GEMIN5: variants seen among roughly 807,000 people sequenced by gnomAD.
GEMIN5 encodes the protein gem-associated protein 5.
Under a neutral mutation model 176.9 loss-of-function variants are expected in GEMIN5, and 124 were observed. That is an observed-to-expected ratio of 0.70 (90% CI 0.61 to 0.81). The LOEUF (loss-of-function observed/expected upper bound fraction) is 0.81. Ranked by LOEUF, GEMIN5 falls within the 40% of genes least tolerant of loss-of-function variation. GEMIN5 has a pLI of 0.00. For synonymous variants in GEMIN5, 673 were observed against 665.2 expected (o/e 1.01, Z -0.18); for missense variants, 1,843 against 1,814.6 (o/e 1.02, Z -0.28).
chr5:154,913,374 C>G (rs1158070810), intron 13 of GEMIN5, among the ~76,000 whole-genome samples: 2 of 152,152 alleles, frequency 1.3e-5, no homozygotes, highest in East Asian at 3.9e-4. Context: ...TAGATTACCA[C>G]AAGAAGTGTT....
At chr5:154,913,170 G>C in intron 13 of GEMIN5, 132 bp from the exon 14 acceptor site, 1 of 713,482 alleles carries the variant, frequency 1.4e-6, no homozygotes, top group Non-Finnish European at 2.2e-6. Flanking sequence ...TTTTTTTTTT[G>C]AGATGGAGTT....
Position 154,924,540 on chromosome 5 carries a change from T to C in GEMIN5, c.1308A>G (p.Pro436=), listed in dbSNP as rs775881622. The part of the protein sequence containing the change: ...KSKVTALCWH[P]TKEGCLAFGT... ...CAAAAGCTAAGCAACCTTCCTTGGT[T>C]GGGTGCCAGCACAGCTACAAAAAAA... Residue 436 remains proline (P), a synonymous_variant, in exon 9 of 28, where the codon CCA becomes CCG. Coordinates refer to ENST00000285873, the MANE Select transcript of GEMIN5 (RefSeq NM_015465.5). 7 of 1,611,380 alleles carry C rather than the reference T, an allele frequency of 4.3e-6. No homozygotes were observed. In the South Asian group the frequency reaches 7.7e-5, roughly 18 times the overall value.
chr5:154,911,962 T>A, intron 14 of GEMIN5, 64 bp from the exon 15 acceptor site: 2 of 1,444,872 alleles, frequency 1.4e-6, no homozygotes, highest in Non-Finnish European at 1.9e-6. Flanking sequence ...GGGCAGTATG[T>A]TTTCTAATTA....
chr5:154,893,747 C>T (rs1252598056), intron 24 of GEMIN5, among the ~76,000 whole-genome samples: 1 of 152,120 alleles, frequency 6.6e-6, no homozygotes, highest in South Asian at 2.1e-4. Context: ...TCTTCTTCTT[C>T]TTCTTTGTTT....
intron 24 of GEMIN5, among the ~76,000 whole-genome samples, chr5:154,895,586 C>T (rs79406353): frequency 6.6e-6 from 1 of 152,092 alleles, no homozygotes; most frequent in Non-Finnish European, 1.5e-5. Context: ...TTTATAAAGT[C>T]CTCAAATCAA....
intron 3 of GEMIN5, among the ~76,000 whole-genome samples, 161 bp from the exon 4 acceptor site, chr5:154,932,411 T>C (rs1764187754): frequency 6.6e-6 from 1 of 152,176 alleles, no homozygotes; most frequent in African/African-American, 2.4e-5. Context: ...TGCTTTTTCC[T>C]TTTTTTAAAG....
At chr5:154,903,027 A>G (rs1763496989) in intron 19 of GEMIN5, 53 bp downstream of exon 19, 2 of 1,171,680 alleles carry the variant, frequency 1.7e-6, no homozygotes, top group Non-Finnish European at 2.5e-6. Context: ...TGCACACAAA[A>G]TGTTGGGAAA....
chr5:154,920,110 G>T lies in GEMIN5; in HGVS notation c.1463-7C>A. The T allele has an allele frequency of 6.2e-7, 1 of 1,603,942 alleles. No individual in the cohort carries two copies. Among genetic ancestry groups the T allele is most frequent in the South Asian group, 1.1e-5 (1 of 89,130 alleles). Reference sequence around the variant, plus strand: ...GGTCTGTCTCCTTCTCCTCCTGTATGAAATAAGAAAAGAAACTTATCAGTT... The same window carrying T: ...GGTCTGTCTCCTTCTCCTCCTGTATTAAATAAGAAAAGAAACTTATCAGTT... On this transcript the variant is annotated splice_region_variant and splice_polypyrimidine_tract_variant and intron_variant, in intron 10 of 27. Transcript: ENST00000285873.
intron 15 of GEMIN5, 63 bp from the exon 16 acceptor site, chr5:154,907,881 G>T: frequency 9.1e-7 from 1 of 1,099,810 alleles, no homozygotes; most frequent in South Asian, 1.3e-5. Flanking sequence ...CACTCTAGGT[G>T]GTAAACTCCA....
intron 9 of GEMIN5, among the ~76,000 whole-genome samples, chr5:154,924,051 ATTAT>A (rs1451445012): frequency 7.2e-5 from 11 of 152,242 alleles, no homozygotes; most frequent in African/African-American, 2.7e-4. Context: ...CACTGAAAGT[ATTAT>A]TTAAAATGTA....
Position 154,898,637 on chromosome 5 carries a change from T to C in GEMIN5, c.3148A>G (p.Thr1050Ala). 6.2e-7 allele frequency: 1 copy of C among 1,612,066 alleles called. No individual in the cohort carries two copies. Among genetic ancestry groups the C allele is most frequent in the Non-Finnish European group, 8.5e-7 (1 of 1,178,138 alleles). The part of the protein sequence containing the change: ...AVAAKCYLGA[T>A]CAYDAAKVLA... ...ACTTTGGCTGCATCATAAGCACAAG[T>C]GGCCCCTAAATAGCTATAATATGAA... is the stretch of plus-strand genomic sequence containing the variant. Residue 1050 changes from threonine (T) to alanine (A), a missense_variant, in exon 23 of 28, where the codon ACT (threonine) becomes GCT (alanine). Coordinates refer to ENST00000285873, the MANE Select transcript of GEMIN5 (RefSeq NM_015465.5).
rs1763416220 is a variant in GEMIN5 at position 154,899,222 on chromosome 5, T to C, written c.3103A>G (p.Arg1035Gly). Residue 1035 changes from arginine to glycine, a missense_variant, in exon 22 of 28, where the codon AGA (arginine) becomes GGA (glycine). Coordinates refer to ENST00000285873, the MANE Select transcript of GEMIN5 (RefSeq NM_015465.5). ...GCAGCTACAGCATAGTGGCCATCTC[T>C]TTCTAGGACGGTTCCCCAGCTGAGG... ...LYLSWGTVLE[R>G]DGHYAVAAKC... 18 of 1,612,754 alleles carry C rather than the reference T, an allele frequency of 1.1e-5. No homozygotes were observed. The highest frequency in any genetic ancestry group is 1.5e-5 in the Non-Finnish European group (18 of 1,179,366).
intron 25 of GEMIN5, 129 bp downstream of exon 25, chr5:154,892,257 CT>C (rs1196493861): frequency 2.6e-6 from 2 of 756,186 alleles, no homozygotes; most frequent in African/African-American, 3.5e-5. Flanking sequence ...AGAATCCAAA[CT>C]TTCTACTAAA....
At chr5:154,918,109 A>G (rs1763849784) in intron 11 of GEMIN5, 105 bp from the exon 12 acceptor site, 1 of 689,950 alleles carries the variant, frequency 1.4e-6, no homozygotes, top group Admixed American at 2.3e-5. Flanking sequence ...TTTTAATTAT[A>G]CAACAGCTAT....
chr5:154,896,211 C>T lies in GEMIN5; in HGVS notation c.3478G>A (p.Val1160Met). The T allele has an allele frequency of 6.2e-7, 1 of 1,613,952 alleles. No homozygotes were observed. Among genetic ancestry groups the T allele is most frequent in the Non-Finnish European group, 8.5e-7 (1 of 1,179,934 alleles). The change falls in exon 24 of 28, where the codon GTG becomes ATG. Residue 1160 changes from valine (V) to methionine (M), a missense_variant. Val to Met is a conservative substitution (Grantham distance 21, BLOSUM62 1). Coordinates refer to ENST00000285873, the MANE Select transcript of GEMIN5 (RefSeq NM_015465.5). Reference sequence around the variant, plus strand: ...AAGATGCTCTTCCACACTGCAGTCACCCTCTCCACGAAAGGCCCTTCGGTG... The same window carrying T: ...AAGATGCTCTTCCACACTGCAGTCATCCTCTCCACGAAAGGCCCTTCGGTG... ...TGTEGPFVERVTAVWKSIFSL... is the reference protein window; with the variant it reads ...TGTEGPFVERMTAVWKSIFSL...
intron 5 of GEMIN5, 71 bp downstream of exon 5, chr5:154,931,387 A>AT: frequency 6.8e-7 from 1 of 1,471,306 alleles, no homozygotes. Context: ...CCTCAGGACA[A>AT]TAAGAACAGA....
intron 14 of GEMIN5, 133 bp from the exon 15 acceptor site, chr5:154,912,031 G>A: frequency 1.3e-6 from 1 of 795,046 alleles, no homozygotes; most frequent in Non-Finnish European, 2.0e-6. Flanking sequence ...AGGTGATTTA[G>A]AGTTTTCTCT....
intron 16 of GEMIN5, among the ~76,000 whole-genome samples, chr5:154,905,861 T>A (rs1420954770): frequency 6.6e-6 from 1 of 152,186 alleles, no homozygotes; most frequent in African/African-American, 2.4e-5. Flanking sequence ...TGGCTAATTT[T>A]TGTATTTTTA....
At chr5:154,931,700 G>A (rs1304974443) in intron 4 of GEMIN5, 123 bp from the exon 5 acceptor site, 2 of 734,982 alleles carry the variant, frequency 2.7e-6, no homozygotes, top group African/African-American at 3.6e-5. Flanking sequence ...TATAAAATTT[G>A]AAGTTTTAGG....
Sources: gnomAD v4.1 joint callset for allele counts (sites outside exome capture counted in the v4.1 genomes callset) on GRCh38, gnomAD v4.1.1 for gene constraint, MANE v1.5 for transcripts, NCBI Gene and HGNC (gene_info 2026-07-23, HGNC 2026-07-21) for gene names.